Variants in FHIT observed in about 807,000 individuals in gnomAD.
The protein encoded by FHIT is fragile histidine triad diadenosine triphosphatase.
Under a neutral mutation model 17.9 loss-of-function variants are expected in FHIT, and 19 were observed. The observed-to-expected ratio is 1.06, with a 90% CI of 0.74 to 1.56. The LOEUF (loss-of-function observed/expected upper bound fraction) is 1.56. Among genes scored for constraint, FHIT ranks in the 40% most tolerant of loss-of-function variants. The pLI is 0.00. For synonymous variants in FHIT, 81 were observed against 69.7 expected, an observed-to-expected ratio of 1.16 and a Z score of -0.81; for missense variants, 248 against 189.2, an observed-to-expected ratio of 1.31 and a Z score of -1.82.
intron 1 of FHIT, among the ~76,000 whole-genome samples, chr3:61,234,738 T>C (rs1465345973): frequency 1.3e-5 from 2 of 152,210 alleles, no homozygotes; most frequent in Admixed American, 6.5e-5. Flanking sequence ...TCTTACAGAA[T>C]ATTCTGGGCC....
At chr3:60,461,450 A>ATATGTCAT (rs5849367) in intron 5 of FHIT, among the ~76,000 whole-genome samples, 75,644 of 151,294 alleles carry the variant, frequency 0.5, 21,052 homozygotes, top group African/African-American at 0.75. Context: ...TAATAAAACA[A>ATATGTCAT]TATGTCATCT....
At chr3:60,040,865 C>T (rs994970175) in intron 5 of FHIT, among the ~76,000 whole-genome samples, 1 of 152,084 alleles carries the variant, frequency 6.6e-6, no homozygotes, top group African/African-American at 2.4e-5. Flanking sequence ...TTTTAATTAA[C>T]ATGGGGTGGC....
intron 8 of FHIT, among the ~76,000 whole-genome samples, chr3:59,899,873 G>C (rs1346578922): frequency 3.3e-5 from 5 of 152,048 alleles, no homozygotes; most frequent in African/African-American, 1.2e-4. Flanking sequence ...AAAAGAATCA[G>C]CTATTGCAGG....
At chr3:60,463,277 T>C (rs1384365643) in intron 5 of FHIT, among the ~76,000 whole-genome samples, 1 of 152,140 alleles carries the variant, frequency 6.6e-6, no homozygotes, top group African/African-American at 2.4e-5. Context: ...GGGAATCAGC[T>C]TTGGTTTTCT....
intron 1 of FHIT, among the ~76,000 whole-genome samples, chr3:61,214,318 AG>A (rs1296488930): frequency 2.0e-5 from 3 of 152,238 alleles, no homozygotes; most frequent in African/African-American, 7.2e-5. Flanking sequence ...AAAATGATAA[AG>A]GGGATATCAC....
intron 4 of FHIT, among the ~76,000 whole-genome samples, chr3:60,551,942 C>A (rs2036573929): frequency 6.6e-6 from 1 of 151,932 alleles, no homozygotes; most frequent in African/African-American, 2.4e-5. Flanking sequence ...TAATTCAGAA[C>A]ATTTTTACCC....
At chr3:60,128,650 G>A (rs1461878321) in intron 5 of FHIT, among the ~76,000 whole-genome samples, 1 of 152,224 alleles carries the variant, frequency 6.6e-6, no homozygotes, top group Non-Finnish European at 1.5e-5. Context: ...CAGAAGGCAA[G>A]TAAGAATTAC....
chr3:60,353,117 T>C (rs1376042300), intron 5 of FHIT, among the ~76,000 whole-genome samples: 1 of 152,186 alleles, frequency 6.6e-6, no homozygotes, highest in African/African-American at 2.4e-5. Flanking sequence ...CAAGGTGATC[T>C]TAATATTATT....
intron 5 of FHIT, among the ~76,000 whole-genome samples, chr3:60,231,298 GTACT>G (rs1255391451): frequency 2.0e-5 from 3 of 152,158 alleles, no homozygotes; most frequent in Non-Finnish European, 2.9e-5. Context: ...CTATCATCCA[GTACT>G]TCAGTTTTTA....
At position 60,066,340 on chromosome 3, in the gene FHIT, G is replaced by C. The variant is rs1054655955; in HGVS notation, c.104-52188C>G. Among the ~76,000 whole-genome samples the C allele has an allele frequency of 6.6e-5, 10 of 152,276 alleles. No homozygotes were observed. In the East Asian group the frequency reaches 1.7e-3, roughly 26 times the overall value. On this transcript the variant is annotated intron_variant, in intron 5 of 9. Coordinates refer to ENST00000492590, the MANE Select transcript of FHIT (RefSeq NM_002012.4). ...CTAAGAGCTTCCCATTCCCAGGCTGGTCCAGTGATTTTTAGTGAAATTAGG... is the reference window on the plus strand; with the variant it reads ...CTAAGAGCTTCCCATTCCCAGGCTGCTCCAGTGATTTTTAGTGAAATTAGG...
intron 7 of FHIT, among the ~76,000 whole-genome samples, chr3:59,965,384 A>G (rs62240091): frequency 0.088 from 13,335 of 152,172 alleles, 830 homozygotes; most frequent in South Asian, 0.15. Context: ...AACTACATAA[A>G]TATCTTCTTG....
At chr3:59,969,727 A>G (rs900967847) in intron 7 of FHIT, among the ~76,000 whole-genome samples, 3 of 152,038 alleles carry the variant, frequency 2.0e-5, no homozygotes, top group Non-Finnish European at 4.4e-5. Flanking sequence ...TGGTGCCTAT[A>G]AGGTGACTTT....
chr3:60,264,857 T>TC (rs1553726507), intron 5 of FHIT, among the ~76,000 whole-genome samples: 4 of 151,012 alleles, frequency 2.6e-5, no homozygotes. Context: ...AATCTTTTTT[T>TC]CATCATCATC....
chr3:59,786,861 A>G (rs1564913), intron 8 of FHIT, among the ~76,000 whole-genome samples: 39,162 of 151,908 alleles, frequency 0.26, 5,369 homozygotes, highest in South Asian at 0.44. Flanking sequence ...CACCTCATTG[A>G]AGAAATCAAG....
chr3:61,085,140 C>T (rs6445192), intron 2 of FHIT, among the ~76,000 whole-genome samples: 104,051 of 152,012 alleles, frequency 0.68, 36,726 homozygotes, highest in African/African-American at 0.78. Context: ...TTCATTTCTC[C>T]ACAAGTTTTC....
chr3:60,342,551 T>C (rs1260492454), intron 5 of FHIT, among the ~76,000 whole-genome samples: 1 of 152,218 alleles, frequency 6.6e-6, no homozygotes, highest in African/African-American at 2.4e-5. Context: ...TTGAATATTC[T>C]TCTCTTCTGA....
At chr3:60,355,460 C>G (rs1393435079) in intron 5 of FHIT, among the ~76,000 whole-genome samples, 9 of 150,810 alleles carry the variant, frequency 6.0e-5, no homozygotes, top group African/African-American at 2.2e-4. Context: ...GTTTACTAAA[C>G]AGATGGCTTT....
chr3:60,448,774 C>T (rs938686641), intron 5 of FHIT, among the ~76,000 whole-genome samples: 8 of 152,256 alleles, frequency 5.3e-5, no homozygotes, highest in African/African-American at 1.9e-4. Context: ...AAATTAATGA[C>T]ATCCTGGGAG....
At chr3:61,224,404 CTATTTTATTT>C (rs559158415) in intron 1 of FHIT, among the ~76,000 whole-genome samples, 19 of 152,088 alleles carry the variant, frequency 1.2e-4, no homozygotes, top group East Asian at 3.9e-4. Flanking sequence ...GCTTATGTTA[CTATTTTATTT>C]TATTTTATTT....
Sources: gnomAD v4.1 joint callset for allele counts (sites outside exome capture counted in the v4.1 genomes callset) on GRCh38, gnomAD v4.1.1 for gene constraint, MANE v1.5 for transcripts, NCBI Gene and HGNC (gene_info 2026-07-23, HGNC 2026-07-21) for gene names.